The following RGS6 variants were observed in gnomAD, a reference collection of about 807,000 sequenced individuals.
RGS6 encodes the protein regulator of G-protein signaling 6.
RGS6 carries 30 observed loss-of-function variants against 78.5 expected under a neutral mutation model. The ratio of observed to expected loss-of-function variants is 0.38; its 90% CI spans 0.29 to 0.52. The LOEUF is 0.52. RGS6 is among the 20% of genes least tolerant of loss of function. RGS6 has a pLI of 0.85. For missense variants in RGS6, 495 were observed against 609.7 expected (o/e 0.81, Z 1.98); for synonymous variants, 206 against 206.0 (o/e 1.00, Z 0.00).
chr14:72,011,012 A>G (rs1204251100), intron 2 of RGS6, among the ~76,000 whole-genome samples: 1 of 152,228 alleles, frequency 6.6e-6, no homozygotes, highest in Non-Finnish European at 1.5e-5. Flanking sequence ...CTTTTGCACC[A>G]AAATATTTAA....
Position 72,238,905 on chromosome 14 carries a change from G to A in RGS6, c.85-113190G>A, listed in dbSNP as rs903165618. 3.9e-5 allele frequency among the ~76,000 whole-genome samples: 6 copies of A among 152,308 alleles called. No homozygotes were observed. The South Asian group carries it at 8.3e-4, about 21-fold the overall frequency. ...TTGTCCCCCATCCGTGGTTTAGGCA[G>A]CCCGGTTGTTACCAGTGGAAGGTGT... On this transcript the variant is annotated intron_variant, in intron 2 of 17. Transcript: ENST00000553525.
intron 15 of RGS6, among the ~76,000 whole-genome samples, chr14:72,530,958 T>G (rs1377234319): frequency 2.0e-5 from 3 of 148,080 alleles, no homozygotes; most frequent in Non-Finnish European, 4.4e-5. Flanking sequence ...GACTAATATC[T>G]GAGCCTGTGC....
chr14:72,436,905 T>G (rs1431570487), intron 3 of RGS6, among the ~76,000 whole-genome samples: 4 of 152,118 alleles, frequency 2.6e-5, no homozygotes, highest in Non-Finnish European at 5.9e-5. Context: ...TGAGTCAGAG[T>G]GCAGAGTTGA....
chr14:72,472,181 AAAAAG>A (rs1213527421), intron 8 of RGS6, among the ~76,000 whole-genome samples: 104 of 149,618 alleles, frequency 7.0e-4, no homozygotes, highest in African/African-American at 2.5e-3. Flanking sequence ...AGAAAAAAAA[AAAAAG>A]AAAGAAAAAG....
chr14:72,384,127 G>T (rs1388878438), intron 3 of RGS6, among the ~76,000 whole-genome samples: 1 of 152,188 alleles, frequency 6.6e-6, no homozygotes, highest in Admixed American at 6.5e-5. Flanking sequence ...ACTGGGCACA[G>T]GGCATGTCTC....
chr14:72,023,295 A>T (rs1160251048), intron 2 of RGS6, among the ~76,000 whole-genome samples: 1 of 152,210 alleles, frequency 6.6e-6, no homozygotes, highest in African/African-American at 2.4e-5. Context: ...CCGGCTACCC[A>T]AGAAAGTCAA....
chr14:72,534,205 G>A (rs889926052), intron 15 of RGS6, among the ~76,000 whole-genome samples: 1 of 152,220 alleles, frequency 6.6e-6, no homozygotes, highest in Non-Finnish European at 1.5e-5. Flanking sequence ...AAAGGATTAT[G>A]ACTCACCAAA....
At chr14:72,198,263 GGCTCACT>G (rs2040665045) in intron 2 of RGS6, among the ~76,000 whole-genome samples, 1 of 152,186 alleles carries the variant, frequency 6.6e-6, no homozygotes, top group South Asian at 2.1e-4. Context: ...TGAAGTGGGA[GGCTCACT>G]TGAGCCTCAG....
chr14:72,460,649 A>G lies in RGS6; in HGVS notation c.394+966A>G, dbSNP rs554267043. ...TGTAGCTGCAGCACTGCCCCTTTGC[A>G]TGCATCCTTGCTGCTGACTCAGCTG... On this transcript the variant is annotated intron_variant, in intron 6 of 17. Transcript: ENST00000553525. Among the ~76,000 whole-genome samples the G allele has an allele frequency of 3.3e-5, 5 of 152,264 alleles. No homozygotes were observed. The East Asian group carries it at 7.7e-4, about 24-fold the overall frequency.
chr14:71,996,536 G>T (rs1443456352), intron 2 of RGS6, among the ~76,000 whole-genome samples: 1 of 152,074 alleles, frequency 6.6e-6, no homozygotes, highest in African/African-American at 2.4e-5. Context: ...TCAGCCTGAG[G>T]TTGGGACTGG....
At chr14:72,612,993 C>CGT in the RGS6 span, among the ~76,000 whole-genome samples, 6,505 of 148,842 alleles carry the variant, frequency 0.044, 163 homozygotes, top group South Asian at 0.089. Context: ...TTAAGTAGGG[C>CGT]GTGTGTGTGT....
At chr14:72,283,246 A>C (rs2152266575) in intron 2 of RGS6, among the ~76,000 whole-genome samples, 1 of 152,276 alleles carries the variant, frequency 6.6e-6, no homozygotes, top group East Asian at 1.9e-4. Context: ...GGGCGTGCAA[A>C]TATCTCTTCA....
chr14:72,586,591 C>T, the RGS6 span, among the ~76,000 whole-genome samples: 12 of 152,264 alleles, frequency 7.9e-5, no homozygotes, highest in East Asian at 1.9e-4. Context: ...CTGATCCTTT[C>T]GACACAGGGC....
At chr14:71,981,552 G>A (rs1462408556) in intron 2 of RGS6, among the ~76,000 whole-genome samples, 5 of 148,242 alleles carry the variant, frequency 3.4e-5, no homozygotes, top group African/African-American at 7.6e-5. Flanking sequence ...GCTGGGGGGT[G>A]CCTCCCAGTT....
intron 2 of RGS6, among the ~76,000 whole-genome samples, chr14:72,272,902 G>A (rs1386078438): frequency 6.6e-6 from 1 of 152,238 alleles, no homozygotes; most frequent in Non-Finnish European, 1.5e-5. Flanking sequence ...ATCACCTGAT[G>A]TCAGGAATTT....
chr14:72,144,207 C>G (rs1351253834), intron 2 of RGS6, among the ~76,000 whole-genome samples: 3 of 152,150 alleles, frequency 2.0e-5, no homozygotes, highest in Admixed American at 6.6e-5. Flanking sequence ...ATAAATTGGC[C>G]TGAATTGCAT....
intron 2 of RGS6, among the ~76,000 whole-genome samples, chr14:72,297,246 G>A (rs1287283589): frequency 1.3e-5 from 2 of 151,766 alleles, no homozygotes; most frequent in Middle Eastern, 3.2e-3. Context: ...AGAATGTTTG[G>A]GCTATTCTAG....
At chr14:72,080,594 A>G (rs1249745648) in intron 2 of RGS6, among the ~76,000 whole-genome samples, 5 of 152,080 alleles carry the variant, frequency 3.3e-5, no homozygotes, top group Non-Finnish European at 7.4e-5. Flanking sequence ...ATTATTGCCC[A>G]GACTAGTGTC....
intron 3 of RGS6, among the ~76,000 whole-genome samples, chr14:72,353,247 G>C (rs1232567466): frequency 6.6e-6 from 1 of 152,124 alleles, no homozygotes; most frequent in African/African-American, 2.4e-5. Flanking sequence ...TGTATGTAAG[G>C]GTTTATAGCA....
Sources: gnomAD v4.1 joint callset for allele counts (sites outside exome capture counted in the v4.1 genomes callset) on GRCh38, gnomAD v4.1.1 for gene constraint, MANE v1.5 for transcripts, NCBI Gene and HGNC (gene_info 2026-07-23, HGNC 2026-07-21) for gene names.